SIRT1: variants seen among roughly 807,000 people sequenced by gnomAD.
SIRT1 encodes the protein NAD-dependent protein deacetylase sirtuin-1.
Under a neutral mutation model 67.9 loss-of-function variants are expected in SIRT1, and 24 were observed. The observed-to-expected ratio is 0.35, with a 90% confidence interval of 0.26 to 0.50. The LOEUF (loss-of-function observed/expected upper bound fraction) is 0.50. Among genes scored for constraint, SIRT1 ranks in the 20% least tolerant of loss-of-function variants. The pLI is 0.98. For missense variants in SIRT1, 873 were observed against 937.2 expected (o/e 0.93, Z 0.89); for synonymous variants, 378 against 350.7 (o/e 1.08, Z -0.87).
At chr10:67,886,870 T>TC (rs397780101) in intron 1 of SIRT1, among the ~76,000 whole-genome samples, 15 of 151,686 alleles carry the variant, frequency 9.9e-5, no homozygotes, top group African/African-American at 3.6e-4. Flanking sequence ...TTTTTTTTTT[T>TC]CCTTTTCTTT....
At chr10:67,896,477 C>T (rs960010055) in intron 4 of SIRT1, among the ~76,000 whole-genome samples, 2 of 152,076 alleles carry the variant, frequency 1.3e-5, no homozygotes, top group African/African-American at 2.4e-5. Flanking sequence ...GGGGAACTTT[C>T]CTGTGCGTTG....
intron 5 of SIRT1, 36 bp from the exon 6 acceptor site, chr10:67,908,010 T>C (rs1842846601): frequency 6.5e-7 from 1 of 1,535,422 alleles, no homozygotes; most frequent in Non-Finnish European, 9.0e-7. Flanking sequence ...CAGAAATACT[T>C]CTTTAATAAA....
chr10:67,914,041 ACAT>A (rs1291971584), intron 8 of SIRT1, among the ~76,000 whole-genome samples: 5 of 150,518 alleles, frequency 3.3e-5, no homozygotes, highest in East Asian at 3.9e-4. Context: ...TTTGAACAAA[ACAT>A]CACACAAAAG....
At chr10:67,903,351 C>T (rs747423034) in intron 4 of SIRT1, among the ~76,000 whole-genome samples, 13 of 151,502 alleles carry the variant, frequency 8.6e-5, no homozygotes, top group Non-Finnish European at 1.5e-4. Flanking sequence ...GAAAGAAAGG[C>T]ATAATCTCTG....
chr10:67,889,586 G>A (rs912985774), intron 3 of SIRT1, among the ~76,000 whole-genome samples: 13 of 152,118 alleles, frequency 8.5e-5, no homozygotes, highest in Admixed American at 7.2e-4. Flanking sequence ...TGATTGTGGC[G>A]ACTTGACATT....
intron 3 of SIRT1, among the ~76,000 whole-genome samples, chr10:67,889,841 C>T (rs1267683063): frequency 6.6e-6 from 1 of 152,068 alleles, no homozygotes; most frequent in Non-Finnish European, 1.5e-5. Flanking sequence ...GACCTTGACT[C>T]CAGGTCAAAT....
At chr10:67,910,507 A>G (rs1033750942) in intron 7 of SIRT1, among the ~76,000 whole-genome samples, 1 of 152,248 alleles carries the variant, frequency 6.6e-6, no homozygotes, top group African/African-American at 2.4e-5. Context: ...GTTAGCATCA[A>G]TTAATTTATG....
chr10:67,907,741 G>A, intron 5 of SIRT1, among the ~76,000 whole-genome samples: 1 of 152,234 alleles, frequency 6.6e-6, no homozygotes, highest in African/African-American at 2.4e-5. Context: ...AGCCCTGGAG[G>A]AGTGAGCTGT....
At chr10:67,888,657 A>G (rs887363268) in intron 2 of SIRT1, among the ~76,000 whole-genome samples, 3 of 152,178 alleles carry the variant, frequency 2.0e-5, no homozygotes, top group African/African-American at 4.8e-5. Flanking sequence ...CTCTTGAAAT[A>G]TATACTTACA....
chr10:67,917,235 A>G lies in SIRT1; in HGVS notation c.*642A>G, dbSNP rs1263549403. 1.3e-5 allele frequency: 2 copies of G among 152,762 alleles called. No individual in the cohort carries two copies. Among genetic ancestry groups the G allele is most frequent in the East Asian group, 3.9e-4 (2 of 5,188 alleles). The allele number at this position is 152,762 out of a possible 1,614,324, so 9.5% of individuals were successfully genotyped here. On this transcript the variant is annotated 3_prime_UTR_variant, in exon 9 of 9. Coordinates refer to ENST00000212015, the MANE Select transcript of SIRT1 (RefSeq NM_012238.5). ...ACTTTTAAAAGTAATACTTGGTGCT[A>G]AGAATTTCAGGATTATTGTATTTAC...
At position 67,916,247 on chromosome 10, in the gene SIRT1, T is replaced by G. The variant is rs1462062730; in HGVS notation, c.1916-18T>G. The G allele has an allele frequency of 1.9e-6, 3 of 1,581,564 alleles. No homozygotes were observed. In the African/African-American group the frequency reaches 4.1e-5, roughly 21 times the overall value. ...GTGTTAGAAAACTGAAAGTAACATTTTTATTACTGTATTTCAGGTAATCAG... is the reference window on the plus strand; with the variant it reads ...GTGTTAGAAAACTGAAAGTAACATTGTTATTACTGTATTTCAGGTAATCAG... On this transcript the variant is annotated intron_variant, in intron 8 of 8. Coordinates refer to ENST00000212015, the MANE Select transcript of SIRT1 (RefSeq NM_012238.5).
intron 4 of SIRT1, among the ~76,000 whole-genome samples, chr10:67,899,166 CCTCTA>C (rs1842703534): frequency 6.6e-6 from 1 of 151,792 alleles, no homozygotes; most frequent in Non-Finnish European, 1.5e-5. Context: ...GAAATAAAAT[CCTCTA>C]TTAGGGCTGG....
chr10:67,890,767 A>G (rs1386336738), intron 3 of SIRT1, among the ~76,000 whole-genome samples: 1 of 151,474 alleles, frequency 6.6e-6, no homozygotes, highest in Non-Finnish European at 1.5e-5. Context: ...GCGGTGGCTC[A>G]CACCTGTAAT....
chr10:67,912,224 A>G lies in SIRT1; in HGVS notation c.1358-250A>G, dbSNP rs146695374. On this transcript the variant is annotated intron_variant, in intron 7 of 8. Coordinates refer to ENST00000212015, the MANE Select transcript of SIRT1 (RefSeq NM_012238.5). ...GGAAATTTGAGGTTCAGAGTGGGAA[A>G]GTCTGGGAAGATTGCTCAGGGGTAA... is the stretch of plus-strand genomic sequence containing the variant. Among the ~76,000 whole-genome samples the G allele has an allele frequency of 2.3e-4, 35 of 152,302 alleles. 1 individual carries two copies. The highest frequency in any genetic ancestry group is 8.2e-4 in the African/African-American group (34 of 41,578).
At chr10:67,903,285 A>ACAC (rs1385453507) in intron 4 of SIRT1, among the ~76,000 whole-genome samples, 1 of 152,034 alleles carries the variant, frequency 6.6e-6, no homozygotes, top group Non-Finnish European at 1.5e-5. Flanking sequence ...GACTGCATTT[A>ACAC]CACCTATGCC....
At chr10:67,888,735 G>C (rs1345811196) in intron 2 of SIRT1, 147 bp from the exon 3 acceptor site, 3 of 814,636 alleles carry the variant, frequency 3.7e-6, no homozygotes, top group Admixed American at 2.8e-5. Context: ...CATTAATTCT[G>C]AGTGTACCGA....
At chr10:67,900,171 A>C (rs1348346239) in intron 4 of SIRT1, among the ~76,000 whole-genome samples, 26 of 152,104 alleles carry the variant, frequency 1.7e-4, no homozygotes, top group Non-Finnish European at 8.8e-5. Context: ...TTTGAGACAG[A>C]GTCGCATTCT....
Position 67,885,035 on chromosome 10 carries a change from CG to C in SIRT1, c.317del (p.Gly106AlafsTer77). 1 of 1,379,294 alleles carries C rather than the reference CG, an allele frequency of 7.3e-7. No homozygotes were observed. Among genetic ancestry groups the C allele is most frequent in the Non-Finnish European group, 9.5e-7 (1 of 1,057,328 alleles). 85.4% of individuals were successfully genotyped at this position (1,379,294 alleles called of 1,614,324 possible). A position where few individuals can be genotyped will look rare whatever the true frequency, so the allele number is the denominator to read the frequency against. On this transcript the variant is annotated frameshift_variant, in exon 1 of 9. Coordinates refer to ENST00000212015, the MANE Select transcript of SIRT1 (RefSeq NM_012238.5). LOFTEE classifies it high-confidence loss of function. ...TAAAGEGDNGPGLQGPSREPP... is the reference protein window; with the variant it reads ...TAAAGEGDNGXGLQGPSREPP... ...GCGGCTGGGGAAGGAGACAATGGGCCGGGCCTGCAGGGCCCATCTCGGGAGC... is the reference window on the plus strand; with the variant it reads ...GCGGCTGGGGAAGGAGACAATGGGCCGGCCTGCAGGGCCCATCTCGGGAGC...
intron 3 of SIRT1, 81 bp from the exon 4 acceptor site, chr10:67,891,321 C>A: frequency 7.9e-7 from 1 of 1,267,360 alleles, no homozygotes; most frequent in Non-Finnish European, 1.1e-6. Flanking sequence ...CAACTCTTAC[C>A]TAATTATATG....
Sources: allele counts gnomAD v4.1 joint callset (sites outside exome capture counted in the v4.1 genomes callset), GRCh38; gene constraint gnomAD v4.1.1; transcripts MANE v1.5; gene names NCBI Gene and HGNC (gene_info 2026-07-23, HGNC 2026-07-21).